Variants in TCF7L1 observed in about 807,000 individuals in gnomAD.
The protein encoded by TCF7L1 is transcription factor 7-like 1.
A neutral mutation model predicts 63.7 loss-of-function variants in TCF7L1; 18 were observed. The ratio of observed to expected loss-of-function variants is 0.28; its 90% CI spans 0.20 to 0.42. The LOEUF (loss-of-function observed/expected upper bound fraction) is 0.42, where lower values mean the gene tolerates loss of function less well. Among genes scored for constraint, TCF7L1 ranks in the 10% least tolerant of loss-of-function variants. The probability of loss-of-function intolerance (pLI) is 1.00; values close to 1 mark genes in which losing one functional copy is unlikely to be tolerated. For synonymous variants in TCF7L1, 355 were observed against 340.9 expected, an observed-to-expected ratio of 1.04 and a Z score of -0.46; for missense variants, 654 against 779.3, an observed-to-expected ratio of 0.84 and a Z score of 1.91.
intron 3 of TCF7L1, among the ~76,000 whole-genome samples, chr2:85,174,834 C>T (rs543704420): frequency 6.6e-6 from 1 of 152,256 alleles, no homozygotes; most frequent in East Asian, 1.9e-4. Context: ...AGCCTCTGCT[C>T]CTACATCCTT....
At chr2:85,268,305 A>G (rs1681057055) in intron 3 of TCF7L1, among the ~76,000 whole-genome samples, 1 of 152,128 alleles carries the variant, frequency 6.6e-6, no homozygotes, top group African/African-American at 2.4e-5. Flanking sequence ...TTTGCAGACA[A>G]CATTTCCACT....
At chr2:85,270,101 CTG>C (rs1329266772) in intron 3 of TCF7L1, among the ~76,000 whole-genome samples, 1 of 152,244 alleles carries the variant, frequency 6.6e-6, no homozygotes, top group Non-Finnish European at 1.5e-5. Context: ...CCTTGAAGCT[CTG>C]TGGCTGGAAG....
intron 3 of TCF7L1, among the ~76,000 whole-genome samples, chr2:85,178,900 G>A (rs1040028939): frequency 2.0e-5 from 3 of 152,178 alleles, no homozygotes; most frequent in African/African-American, 7.2e-5. Flanking sequence ...CCTGCCTACA[G>A]CCTGTTTCAA....
At chr2:85,282,166 T>G (rs1325252218) in intron 3 of TCF7L1, among the ~76,000 whole-genome samples, 2 of 152,160 alleles carry the variant, frequency 1.3e-5, no homozygotes, top group African/African-American at 2.4e-5. Context: ...TTTTGTTTTT[T>G]TAGTAGAGAC....
chr2:85,134,562 G>A lies in TCF7L1; in HGVS notation c.441+112G>A. The A allele has an allele frequency of 1.4e-6, 2 of 1,398,042 alleles. No individual in the cohort carries two copies. The highest frequency in any genetic ancestry group is 1.9e-6 in the Non-Finnish European group (2 of 1,058,160). The allele number at this position is 1,398,042 out of a possible 1,614,324, so 86.6% of individuals were successfully genotyped here. A position where few individuals can be genotyped will look rare whatever the true frequency, so the allele number is the denominator to read the frequency against. ...GGGCCTTCTGCGCCGATCCCAAGCA[G>A]AACTTGTTTGCGGAGTTGAACTACT... is the stretch of plus-strand genomic sequence containing the variant. On this transcript the variant is annotated intron_variant, in intron 3 of 11. Coordinates refer to ENST00000282111, the MANE Select transcript of TCF7L1 (RefSeq NM_031283.3). The surrounding 1 kb of genome is among the most constrained non-coding windows in gnomAD (Gnocchi z 5.0).
chr2:85,257,057 T>G, intron 3 of TCF7L1, among the ~76,000 whole-genome samples: 1 of 152,014 alleles, frequency 6.6e-6, no homozygotes, highest in African/African-American at 2.4e-5. Flanking sequence ...CTACAAAAGT[T>G]TTAAGAATTA....
chr2:85,305,125 T>A, intron 7 of TCF7L1, 135 bp from the exon 8 acceptor site: 1 of 1,198,488 alleles, frequency 8.3e-7, no homozygotes, highest in Non-Finnish European at 1.2e-6. Flanking sequence ...AGACGACAAA[T>A]AGCCTTCTAG....
chr2:85,250,626 AG>A (rs1680566921), intron 3 of TCF7L1, among the ~76,000 whole-genome samples: 1 of 152,054 alleles, frequency 6.6e-6, no homozygotes, highest in South Asian at 2.1e-4. Context: ...TAGTAGAGAC[AG>A]GGTTTCGCCA....
intron 3 of TCF7L1, among the ~76,000 whole-genome samples, chr2:85,172,184 G>A (rs969724019): frequency 1.3e-5 from 2 of 152,142 alleles, no homozygotes; most frequent in African/African-American, 4.8e-5. Flanking sequence ...GTCCAGCTTG[G>A]TATACCAACA....
chr2:85,293,303 C>T (rs1249525479), intron 4 of TCF7L1, among the ~76,000 whole-genome samples: 1 of 152,150 alleles, frequency 6.6e-6, no homozygotes, highest in Admixed American at 6.5e-5. Flanking sequence ...GCACCATCTC[C>T]TGGTGCCATT....
intron 3 of TCF7L1, among the ~76,000 whole-genome samples, chr2:85,256,289 A>G (rs1680717250): frequency 6.6e-6 from 1 of 152,076 alleles, no homozygotes; most frequent in African/African-American, 2.4e-5. Flanking sequence ...CACAGCTTAG[A>G]AGCGTCCGAG....
intron 3 of TCF7L1, among the ~76,000 whole-genome samples, chr2:85,216,228 C>T (rs917760922): frequency 5.9e-5 from 9 of 152,162 alleles, no homozygotes; most frequent in African/African-American, 1.4e-4. Context: ...GCCCTGCCTG[C>T]CCAGCCTTTC....
At chr2:85,228,978 G>T (rs1473415784) in intron 3 of TCF7L1, among the ~76,000 whole-genome samples, 1 of 140,236 alleles carries the variant, frequency 7.1e-6, no homozygotes, top group Non-Finnish European at 1.5e-5. Context: ...CCGAGATTGC[G>T]CCACTGCACT....
chr2:85,207,477 C>T (rs1022269166), intron 3 of TCF7L1, among the ~76,000 whole-genome samples: 1 of 152,080 alleles, frequency 6.6e-6, no homozygotes, highest in Admixed American at 6.6e-5. Flanking sequence ...TTTGTACACA[C>T]AGCTGCCGGC....
At chr2:85,274,286 C>T (rs10201489) in intron 3 of TCF7L1, among the ~76,000 whole-genome samples, 39,032 of 151,972 alleles carry the variant, frequency 0.26, 5,478 homozygotes, top group East Asian at 0.56. Flanking sequence ...TGCAGAAATG[C>T]GGACTCGAAA....
At chr2:85,225,269 T>G (rs1392808972) in intron 3 of TCF7L1, among the ~76,000 whole-genome samples, 2 of 152,230 alleles carry the variant, frequency 1.3e-5, no homozygotes, top group Non-Finnish European at 2.9e-5. Context: ...CCGGCTCTTT[T>G]GGTTCCATAT....
chr2:85,307,416 GCCTGGACACCCGA>G (rs1224053873), intron 10 of TCF7L1, among the ~76,000 whole-genome samples: 1 of 152,144 alleles, frequency 6.6e-6, no homozygotes, highest in Non-Finnish European at 1.5e-5. Flanking sequence ...TTCCAAGAAG[GCCTGGACACCCGA>G]CCTGGAGGGG....
intron 3 of TCF7L1, among the ~76,000 whole-genome samples, chr2:85,230,830 G>A (rs1022098823): frequency 1.3e-5 from 2 of 152,124 alleles, no homozygotes; most frequent in Non-Finnish European, 2.9e-5. Context: ...AATTGTAATA[G>A]CTTCAAGGCT....
intron 3 of TCF7L1, among the ~76,000 whole-genome samples, chr2:85,179,629 C>A (rs1470042696): frequency 2.0e-5 from 3 of 152,178 alleles, no homozygotes. Context: ...TGCCCCCTCC[C>A]TTGCTCTGCT....
Sources: allele counts gnomAD v4.1 joint callset (sites outside exome capture counted in the v4.1 genomes callset), GRCh38; gene constraint gnomAD v4.1.1; non-coding constraint Gnocchi (gnomAD v3.1); transcripts MANE v1.5; gene names NCBI Gene and HGNC (gene_info 2026-07-23, HGNC 2026-07-21).